Variants in KCNMB4 observed in about 807,000 individuals in gnomAD.
KCNMB4 encodes the protein potassium calcium-activated channel subfamily M regulatory beta subunit 4.
KCNMB4 carries 3 observed loss-of-function variants against 20.7 expected under a neutral mutation model. The ratio of observed to expected loss-of-function variants is 0.14; its 90% CI spans 0.07 to 0.37. KCNMB4 has a LOEUF of 0.37. Ranked by LOEUF, KCNMB4 falls within the 10% of genes least tolerant of loss-of-function variation. The pLI is 1.00. For synonymous variants in KCNMB4, 110 were observed against 113.4 expected (o/e 0.97, Z 0.19); for missense variants, 168 against 265.9 (o/e 0.63, Z 2.56).
intron 2 of KCNMB4, among the ~76,000 whole-genome samples, chr12:70,407,183 C>T (rs1192007102): frequency 6.6e-6 from 1 of 152,136 alleles, no homozygotes; most frequent in East Asian, 1.9e-4. Flanking sequence ...GCTAGAATGG[C>T]TCACAGAACA....
intron 1 of KCNMB4, 97 bp downstream of exon 1, chr12:70,367,167 G>C: frequency 1.0e-6 from 1 of 962,306 alleles, no homozygotes. Context: ...GCGTGTGCTC[G>C]CATTGCTAGG....
intron 2 of KCNMB4, among the ~76,000 whole-genome samples, chr12:70,402,433 A>G (rs1012114104): frequency 6.6e-6 from 1 of 152,098 alleles, no homozygotes; most frequent in Non-Finnish European, 1.5e-5. Context: ...ACTTGAGCCC[A>G]GGAGTTCAAG....
intron 1 of KCNMB4, among the ~76,000 whole-genome samples, chr12:70,377,436 ATATTT>A (rs1262423908): frequency 6.6e-6 from 1 of 152,214 alleles, no homozygotes; most frequent in Non-Finnish European, 1.5e-5. Context: ...TAATTTAAAA[ATATTT>A]TATTACTGAA....
chr12:70,372,843 A>C (rs1883622098), intron 1 of KCNMB4, among the ~76,000 whole-genome samples: 1 of 152,200 alleles, frequency 6.6e-6, no homozygotes, highest in Non-Finnish European at 1.5e-5. Context: ...AGAGGGAAAA[A>C]GTTAGGGGGA....
At chr12:70,388,104 CACTTA>C (rs759352055) in intron 1 of KCNMB4, among the ~76,000 whole-genome samples, 9 of 152,036 alleles carry the variant, frequency 5.9e-5, no homozygotes, top group African/African-American at 1.9e-4. Flanking sequence ...TTGCTTATTT[CACTTA>C]ACTTAATGAT....
At chr12:70,418,961 T>G (rs1358337259) in intron 2 of KCNMB4, among the ~76,000 whole-genome samples, 1 of 152,162 alleles carries the variant, frequency 6.6e-6, no homozygotes, top group East Asian at 1.9e-4. Flanking sequence ...TAATTTGGCT[T>G]CACAAAGTAA....
chr12:70,433,785 T>A lies in KCNMB4; in HGVS notation c.*3132T>A, dbSNP rs1296932408. ...CATGAATCTGCTATCTAGGAGAAAC[T>A]CCCTTGTCCATTGTCTTCTGTGGCC... is the stretch of plus-strand genomic sequence containing the variant. On this transcript the variant is annotated 3_prime_UTR_variant, in exon 3 of 3. Coordinates refer to ENST00000258111, the MANE Select transcript of KCNMB4 (RefSeq NM_014505.6). The A allele has an allele frequency of 6.6e-6, 1 of 152,260 alleles. No individual in the cohort carries two copies. Among genetic ancestry groups the A allele is most frequent in the Non-Finnish European group, 1.5e-5 (1 of 68,056 alleles). The allele number at this position is 152,260 out of a possible 1,614,324, so 9.4% of individuals were successfully genotyped here.
intron 1 of KCNMB4, among the ~76,000 whole-genome samples, chr12:70,392,048 A>G (rs1868304189): frequency 6.6e-6 from 1 of 152,156 alleles, no homozygotes; most frequent in South Asian, 2.1e-4. Flanking sequence ...GGGCTTGTTG[A>G]TCCCCTTCAT....
At chr12:70,368,978 A>G (rs1358046660) in intron 1 of KCNMB4, among the ~76,000 whole-genome samples, 2 of 152,038 alleles carry the variant, frequency 1.3e-5, no homozygotes, top group Admixed American at 1.3e-4. Context: ...TCTTTTCTTT[A>G]TCTCTCTCTC....
intron 1 of KCNMB4, among the ~76,000 whole-genome samples, chr12:70,396,137 T>A (rs1396415959): frequency 6.6e-6 from 1 of 152,114 alleles, no homozygotes; most frequent in African/African-American, 2.4e-5. Flanking sequence ...AATACTACAC[T>A]GGTGCTCCAA....
chr12:70,401,592 A>G (rs1243130081), intron 2 of KCNMB4, among the ~76,000 whole-genome samples: 1 of 151,810 alleles, frequency 6.6e-6, no homozygotes, highest in Non-Finnish European at 1.5e-5. Context: ...CTATTGCTGC[A>G]TAACAAACCA....
At chr12:70,419,627 G>A (rs958648946) in intron 2 of KCNMB4, among the ~76,000 whole-genome samples, 2 of 152,168 alleles carry the variant, frequency 1.3e-5, no homozygotes, top group Non-Finnish European at 2.9e-5. Context: ...GTGTGGCATA[G>A]GATTGGGGCT....
chr12:70,421,500 CCATA>C (rs1483110816), intron 2 of KCNMB4, among the ~76,000 whole-genome samples: 1 of 150,634 alleles, frequency 6.6e-6, no homozygotes, highest in Non-Finnish European at 1.5e-5. Flanking sequence ...AAAACTTTTC[CCATA>C]CATACCCTCA....
chr12:70,409,128 C>CT (rs1291714342), intron 2 of KCNMB4, among the ~76,000 whole-genome samples: 2 of 152,156 alleles, frequency 1.3e-5, no homozygotes, highest in Non-Finnish European at 2.9e-5. Context: ...TACAGGTTTA[C>CT]TTTTTAGTAC....
intron 2 of KCNMB4, among the ~76,000 whole-genome samples, chr12:70,424,878 C>T (rs922967883): frequency 6.6e-6 from 1 of 152,200 alleles, no homozygotes; most frequent in Non-Finnish European, 1.5e-5. Flanking sequence ...CAAGCACGCT[C>T]TGCTGCTCTC....
Position 70,433,528 on chromosome 12 carries a change from A to C in KCNMB4, c.*2875A>C, listed in dbSNP as rs986435127. The C allele has an allele frequency of 6.6e-6, 1 of 152,232 alleles. No homozygotes were observed. The highest frequency in any genetic ancestry group is 2.4e-5 in the African/African-American group (1 of 41,470). The allele number at this position is 152,232 out of a possible 1,614,324, so 9.4% of individuals were successfully genotyped here. ...GCCCACCGTCCATTCATGAATACTT[A>C]CTATATAGCTATACCTAGCTTCAAG... On this transcript the variant is annotated 3_prime_UTR_variant, in exon 3 of 3. Coordinates refer to ENST00000258111, the MANE Select transcript of KCNMB4 (RefSeq NM_014505.6).
At chr12:70,375,613 T>A (rs1883671777) in intron 1 of KCNMB4, among the ~76,000 whole-genome samples, 1 of 152,076 alleles carries the variant, frequency 6.6e-6, no homozygotes. Context: ...TAATCCAGCC[T>A]AGGGAACAGA....
At chr12:70,383,217 C>T (rs943018932) in intron 1 of KCNMB4, among the ~76,000 whole-genome samples, 21 of 152,196 alleles carry the variant, frequency 1.4e-4, no homozygotes, top group African/African-American at 4.8e-4. Context: ...TATTTCACAA[C>T]GTACACATAT....
At chr12:70,404,666 G>T (rs1040562710) in intron 2 of KCNMB4, among the ~76,000 whole-genome samples, 2 of 152,160 alleles carry the variant, frequency 1.3e-5, no homozygotes, top group African/African-American at 4.8e-5. Flanking sequence ...AGATTTTTTA[G>T]TTAGAATCAA....
Sources: gnomAD v4.1 joint callset for allele counts (sites outside exome capture counted in the v4.1 genomes callset) on GRCh38, gnomAD v4.1.1 for gene constraint, MANE v1.5 for transcripts, NCBI Gene and HGNC (gene_info 2026-07-23, HGNC 2026-07-21) for gene names.